The following NUDT19 variants were observed in gnomAD, a reference collection of about 807,000 sequenced individuals.
The protein encoded by NUDT19 is nudix hydrolase 19.
Under a neutral mutation model 22.2 loss-of-function variants are expected in NUDT19, and 31 were observed. That is an observed-to-expected ratio of 1.40 (90% CI 1.05 to 1.89). The LOEUF is 1.89. Among genes scored for constraint, NUDT19 ranks in the 40% most tolerant of loss-of-function variants. The probability of loss-of-function intolerance (pLI) is 0.00; values close to 1 mark genes in which losing one functional copy is unlikely to be tolerated. For synonymous variants in NUDT19, 325 were observed against 230.8 expected (o/e 1.41, Z -3.70); for missense variants, 752 against 514.2 (o/e 1.46, Z -4.47).
chr19:32,702,682 C>G (rs568574199), intron 1 of NUDT19, among the ~76,000 whole-genome samples: 70 of 152,240 alleles, frequency 4.6e-4, no homozygotes, highest in Middle Eastern at 3.4e-3. Context: ...AAAACTTTTG[C>G]TTTTTAGTTG....
intron 1 of NUDT19, among the ~76,000 whole-genome samples, chr19:32,706,793 T>C (rs1455452559): frequency 1.3e-5 from 2 of 152,212 alleles, no homozygotes; most frequent in Non-Finnish European, 2.9e-5. Flanking sequence ...GTATAAGGCT[T>C]AGCACTTCCT....
At chr19:32,708,899 A>G (rs1223800627) in intron 1 of NUDT19, among the ~76,000 whole-genome samples, 2 of 152,116 alleles carry the variant, frequency 1.3e-5, no homozygotes, top group African/African-American at 4.8e-5. Flanking sequence ...CCCTCTCTGC[A>G]TCTCCCACCT....
rs767923453 is a variant in NUDT19 at position 32,692,443 on chromosome 19, G to GTT, written c.483_484insTT (p.Pro162PhefsTer104). 2.6e-6 allele frequency: 4 copies of GTT among 1,544,884 alleles called. No individual in the cohort carries two copies. The highest frequency in any genetic ancestry group is 3.5e-6 in the Non-Finnish European group (4 of 1,151,114). On this transcript the variant is annotated frameshift_variant, in exon 1 of 3. Coordinates refer to ENST00000397061, the MANE Select transcript of NUDT19 (RefSeq NM_001105570.2). LOFTEE classifies it high-confidence loss of function. Reference sequence around the variant, plus strand: ...GGCCTGGCCTCGCCCTGGAGCCACCGCCGGGCCTGGCCTCCTGGCGCGACC... The same window carrying GTT: ...GGCCTGGCCTCGCCCTGGAGCCACCGTTCCGGGCCTGGCCTCCTGGCGCGACC...
intron 2 of NUDT19, among the ~76,000 whole-genome samples, chr19:32,710,739 CA>C (rs1169439404): frequency 6.6e-6 from 1 of 150,624 alleles, no homozygotes; most frequent in African/African-American, 2.4e-5. Flanking sequence ...ACTAATAATA[CA>C]AAATTAGCTG....
At chr19:32,707,881 G>C (rs2145367062) in intron 1 of NUDT19, among the ~76,000 whole-genome samples, 1 of 151,938 alleles carries the variant, frequency 6.6e-6, no homozygotes, top group East Asian at 2.0e-4. Flanking sequence ...GGGAGGCTGA[G>C]GCAGGAGAAT....
At chr19:32,697,235 C>T (rs1968274651) in intron 1 of NUDT19, among the ~76,000 whole-genome samples, 1 of 152,122 alleles carries the variant, frequency 6.6e-6, no homozygotes, top group African/African-American at 2.4e-5. Context: ...ATCTTGGTCC[C>T]TATTATAGAA....
chr19:32,705,347 C>A (rs1484918759), intron 1 of NUDT19, among the ~76,000 whole-genome samples: 3 of 151,000 alleles, frequency 2.0e-5, no homozygotes, highest in Non-Finnish European at 4.4e-5. Context: ...TCGCTTGAAC[C>A]CAGGAGGCAG....
chr19:32,711,916 G>A lies in NUDT19; in HGVS notation c.1087G>A (p.Val363Ile), dbSNP rs753294436. The change falls in exon 3 of 3, where the codon GTT becomes ATT. Residue 363 changes from valine (V) to isoleucine (I), a missense_variant. Transcript: ENST00000397061. ...GACTGTTCAGCCAAAGTATAAACAC[G>A]TTTATCCTAAGAACTCTGTAGTAAG... ...HVTVQPKYKHVYPKNSVVRKS... is the reference protein window; with the variant it reads ...HVTVQPKYKHIYPKNSVVRKS... The A allele has an allele frequency of 9.3e-6, 15 of 1,613,792 alleles. No individual in the cohort carries two copies. The highest frequency in any genetic ancestry group is 3.3e-5 in the Admixed American group (2 of 59,968).
At chr19:32,703,430 C>G (rs1453121639) in intron 1 of NUDT19, among the ~76,000 whole-genome samples, 1 of 152,086 alleles carries the variant, frequency 6.6e-6, no homozygotes, top group Non-Finnish European at 1.5e-5. Flanking sequence ...CTCACCACAG[C>G]CTCTGCCTTC....
At position 32,709,266 on chromosome 19, in the gene NUDT19, A is replaced by C. The variant is rs373644945; in HGVS notation, c.796A>C (p.Arg266=). Residue 266 remains arginine (R), a synonymous_variant, in exon 2 of 3, where the codon AGA becomes CGA. Coordinates refer to ENST00000397061, the MANE Select transcript of NUDT19 (RefSeq NM_001105570.2). The part of the protein sequence containing the change: ...LPPPQFYEVR[R]LANFASLSDL... ...ACCCCCACAGTTCTACGAAGTGAGA[A>C]GACTTGCAAACTTTGCCTCTCTCTC... is the stretch of plus-strand genomic sequence containing the variant. 2.5e-6 allele frequency: 4 copies of C among 1,614,202 alleles called. No homozygotes were observed. The highest frequency in any genetic ancestry group is 3.4e-6 in the Non-Finnish European group (4 of 1,180,036).
intron 1 of NUDT19, among the ~76,000 whole-genome samples, chr19:32,695,275 G>A (rs112761126): frequency 0.039 from 5,961 of 152,206 alleles, 169 homozygotes; most frequent in Non-Finnish European, 0.058. Flanking sequence ...TGCTTCCCGG[G>A]TTCAAGCAAT....
Position 32,692,014 on chromosome 19 carries a change from C to G in NUDT19, c.54C>G (p.Ile18Met). 8.0e-7 allele frequency: 1 copy of G among 1,250,058 alleles called. No individual in the cohort carries two copies. Among genetic ancestry groups the G allele is most frequent in the Non-Finnish European group, 1.0e-6 (1 of 1,001,264 alleles). The allele number at this position is 1,250,058 out of a possible 1,614,324, so 77.4% of individuals were successfully genotyped here. A position where few individuals can be genotyped will look rare whatever the true frequency, so the allele number is the denominator to read the frequency against. Residue 18 changes from isoleucine to methionine, a missense_variant, in exon 1 of 3, where the codon ATC becomes ATG. Coordinates refer to ENST00000397061, the MANE Select transcript of NUDT19 (RefSeq NM_001105570.2). ...GCCGCTGGCGGCGGGCGGCCAGCAT[C>G]GTCCTGGCGGCTGGCTGGTCGCGCC... ...GPSRWRRAAS[I>M]VLAAGWSRPE...
At chr19:32,694,006 G>T (rs1042352296) in intron 1 of NUDT19, among the ~76,000 whole-genome samples, 12 of 152,244 alleles carry the variant, frequency 7.9e-5, no homozygotes, top group African/African-American at 2.9e-4. Context: ...GGGCCAGTGG[G>T]TCGGTCCAGG....
Position 32,692,035 on chromosome 19 carries a change from G to C in NUDT19, c.75G>C (p.Ser25=), listed in dbSNP as rs1001211616. ...AASIVLAAGW[S]RPETATPPSR... ...GCATCGTCCTGGCGGCTGGCTGGTC[G>C]CGCCCGGAGACCGCCACCCCGCCGT... The change falls in exon 1 of 3, where the codon TCG becomes TCC. Residue 25 remains serine, a synonymous_variant. Coordinates refer to ENST00000397061, the MANE Select transcript of NUDT19 (RefSeq NM_001105570.2). 30 of 1,264,620 alleles carry C rather than the reference G, an allele frequency of 2.4e-5. No individual in the cohort carries two copies. The highest frequency in any genetic ancestry group is 3.0e-5 in the Non-Finnish European group (30 of 1,010,308). 78.3% of individuals were successfully genotyped at this position (1,264,620 alleles called of 1,614,324 possible). A position where few individuals can be genotyped will look rare whatever the true frequency, so the allele number is the denominator to read the frequency against.
rs780719016 is a variant in NUDT19, at chr19:32,711,952, T to C, written c.1123T>C (p.Leu375=). The C allele has an allele frequency of 7.5e-6, 12 of 1,609,508 alleles. No individual in the cohort carries two copies. In the Admixed American group the frequency reaches 1.2e-4, roughly 16 times the overall value. The change falls in exon 3 of 3, where the codon TTG becomes CTG. Residue 375 remains leucine (L), a synonymous_variant. Coordinates refer to ENST00000397061, the MANE Select transcript of NUDT19 (RefSeq NM_001105570.2). ...GAACTCTGTAGTAAGAAAAAGCCAT[T>C]TGTAGGGTGCTTAAGCTTGTTTGTA... ...PKNSVVRKSH[L]
intron 2 of NUDT19, among the ~76,000 whole-genome samples, chr19:32,709,971 A>C (rs556167030): frequency 6.6e-6 from 1 of 150,450 alleles, no homozygotes; most frequent in East Asian, 2.0e-4. Context: ...ACTTTTTTGC[A>C]TTTTAAGTTT....
chr19:32,691,902 C>T lies in NUDT19; in HGVS notation c.-59C>T. On this transcript the variant is annotated 5_prime_UTR_variant, in exon 1 of 3. Transcript: ENST00000397061. Reference sequence around the variant, plus strand: ...GGAGGTGCTGGGGTCCCTGCAGGGCCGGGCCACCTGCCGTGGAGCTCAGGC... The same window carrying T: ...GGAGGTGCTGGGGTCCCTGCAGGGCTGGGCCACCTGCCGTGGAGCTCAGGC... 3 of 1,026,978 alleles carry T rather than the reference C, an allele frequency of 2.9e-6. No individual in the cohort carries two copies. Among genetic ancestry groups the T allele is most frequent in the Non-Finnish European group, 2.5e-6 (2 of 808,938 alleles). The allele number at this position is 1,026,978 out of a possible 1,614,324, so 63.6% of individuals were successfully genotyped here. A position where few individuals can be genotyped will look rare whatever the true frequency, so the allele number is the denominator to read the frequency against.
intron 1 of NUDT19, among the ~76,000 whole-genome samples, chr19:32,696,673 C>T (rs1300959341): frequency 6.6e-6 from 1 of 152,138 alleles, no homozygotes; most frequent in African/African-American, 2.4e-5. Flanking sequence ...TCAGGCATAA[C>T]AAGAAAGGCA....
rs1043594695 is a variant in NUDT19 at position 32,692,859 on chromosome 19, C to T, written c.714+185C>T. Among the ~76,000 whole-genome samples the T allele has an allele frequency of 2.4e-4, 36 of 152,224 alleles. 1 individual carries two copies. Among genetic ancestry groups the T allele is most frequent in the Admixed American group, 2.3e-3 (35 of 15,284 alleles). On this transcript the variant is annotated intron_variant, in intron 1 of 2. Coordinates refer to ENST00000397061, the MANE Select transcript of NUDT19 (RefSeq NM_001105570.2). ...CCAAAGCCATGCTCTTGGTGAAGTG[C>T]TCTCTGCTTTCCTAGGCTTTGGGGT...
Sources: allele counts gnomAD v4.1 joint callset (sites outside exome capture counted in the v4.1 genomes callset), GRCh38; gene constraint gnomAD v4.1.1; transcripts MANE v1.5; gene names NCBI Gene and HGNC (gene_info 2026-07-23, HGNC 2026-07-21).